Variants in BCKDHB observed in about 807,000 individuals in gnomAD.
BCKDHB encodes branched chain keto acid dehydrogenase E1 subunit beta, also known as 2-oxoisovalerate dehydrogenase subunit beta, mitochondrial.
BCKDHB carries 41 observed loss-of-function variants against 48.5 expected under a neutral mutation model. That is an observed-to-expected ratio of 0.85 (90% CI 0.66 to 1.10). The LOEUF (loss-of-function observed/expected upper bound fraction) is 1.10, where lower values mean the gene tolerates loss of function less well. Among genes scored for constraint, BCKDHB ranks in the 50% least tolerant of loss-of-function variants. The pLI is 0.00. For synonymous variants in BCKDHB, 201 were observed against 174.8 expected (o/e 1.15, Z -1.18); for missense variants, 496 against 494.2 (o/e 1.00, Z -0.03).
the BCKDHB span, among the ~76,000 whole-genome samples, chr6:80,401,372 C>G: frequency 6.6e-6 from 1 of 151,058 alleles, no homozygotes. Context: ...TTCTGTAGAT[C>G]CCCCCGACCC....
At chr6:80,377,261 C>G in the BCKDHB span, among the ~76,000 whole-genome samples, 1 of 152,020 alleles carries the variant, frequency 6.6e-6, no homozygotes, top group South Asian at 2.1e-4. Context: ...AGGCTGGTCT[C>G]GAACTCCCAA....
intron 6 of BCKDHB, among the ~76,000 whole-genome samples, chr6:80,194,085 T>G (rs1774027175): frequency 6.6e-6 from 1 of 152,206 alleles, no homozygotes; most frequent in Non-Finnish European, 1.5e-5. Context: ...CTGTCAGGCC[T>G]TGCATTAAGC....
the BCKDHB span, among the ~76,000 whole-genome samples, chr6:80,426,083 A>C: frequency 6.6e-6 from 1 of 152,212 alleles, no homozygotes; most frequent in Non-Finnish European, 1.5e-5. Context: ...CTTTGCTGTC[A>C]GGCTAGGTAG....
At chr6:80,332,365 GA>G (rs962949979) in intron 9 of BCKDHB, among the ~76,000 whole-genome samples, 28 of 151,634 alleles carry the variant, frequency 1.8e-4, no homozygotes, top group African/African-American at 5.1e-4. Context: ...TAATTGCAAA[GA>G]AAAAAAATGA....
intron 1 of BCKDHB, among the ~76,000 whole-genome samples, chr6:80,112,132 TATAAC>T (rs1243965021): frequency 6.6e-6 from 1 of 152,190 alleles, no homozygotes. Flanking sequence ...AGACACAACA[TATAAC>T]AGTAAGTGTA....
At chr6:80,140,925 A>T (rs969030753) in intron 3 of BCKDHB, among the ~76,000 whole-genome samples, 1 of 152,112 alleles carries the variant, frequency 6.6e-6, no homozygotes, top group Non-Finnish European at 1.5e-5. Context: ...CTGTGAATCC[A>T]TCTGGTCCTG....
intron 6 of BCKDHB, among the ~76,000 whole-genome samples, chr6:80,197,043 G>C (rs558281550): frequency 6.6e-6 from 1 of 152,062 alleles, no homozygotes; most frequent in Admixed American, 6.6e-5. Flanking sequence ...GAAATAGAGC[G>C]GTGTCAGTTA....
chr6:80,367,646 A>T, the BCKDHB span, among the ~76,000 whole-genome samples: 1 of 152,238 alleles, frequency 6.6e-6, no homozygotes, highest in Non-Finnish European at 1.5e-5. Flanking sequence ...TTTCACACCA[A>T]CAAGTTCTGG....
chr6:80,165,223 G>A (rs1772512693), intron 3 of BCKDHB, among the ~76,000 whole-genome samples: 1 of 152,098 alleles, frequency 6.6e-6, no homozygotes, highest in Admixed American at 6.5e-5. Context: ...TGGAATTTAC[G>A]TTCATTTTCT....
chr6:80,169,091 A>G (rs2127776228), intron 5 of BCKDHB, 61 bp downstream of exon 5: 1 of 1,571,194 alleles, frequency 6.4e-7, no homozygotes, highest in Non-Finnish European at 8.7e-7. Flanking sequence ...GATTCATTCT[A>G]TTTAATATCT....
At chr6:80,193,495 A>G (rs185576269) in intron 6 of BCKDHB, among the ~76,000 whole-genome samples, 3 of 152,174 alleles carry the variant, frequency 2.0e-5, no homozygotes, top group Non-Finnish European at 4.4e-5. Flanking sequence ...GAGGCTGACG[A>G]ATCACCTGAG....
intron 9 of BCKDHB, among the ~76,000 whole-genome samples, chr6:80,334,181 G>GTAAA (rs1246607920): frequency 6.6e-6 from 1 of 151,968 alleles, no homozygotes; most frequent in Non-Finnish European, 1.5e-5. Flanking sequence ...GAACCATAGG[G>GTAAA]TAAATATAGT....
At chr6:80,248,922 G>A (rs1398895338) in intron 8 of BCKDHB, among the ~76,000 whole-genome samples, 1 of 151,554 alleles carries the variant, frequency 6.6e-6, no homozygotes, top group Non-Finnish European at 1.5e-5. Flanking sequence ...GTGTGTGTGT[G>A]TGTGTGTATG....
the BCKDHB span, among the ~76,000 whole-genome samples, chr6:80,406,402 C>A: frequency 8.7e-4 from 132 of 152,312 alleles, 2 homozygotes; most frequent in East Asian, 0.022. Flanking sequence ...AATGGTATTT[C>A]TAGTTCTAGA....
downstream of BCKDHB, among the ~76,000 whole-genome samples, chr6:80,346,999 A>G (rs1362178500): frequency 7.0e-6 from 1 of 142,880 alleles, no homozygotes. Context: ...GAAAAAAGCA[A>G]AAAGAAAAAA....
intron 8 of BCKDHB, among the ~76,000 whole-genome samples, chr6:80,254,896 C>T (rs1455144018): frequency 6.6e-6 from 1 of 152,084 alleles, no homozygotes; most frequent in Admixed American, 6.6e-5. Flanking sequence ...TTTCTGTTAT[C>T]TTCAGCCAGA....
chr6:80,106,667 G>T (rs1316399732), upstream of BCKDHB: 2 of 1,548,038 alleles, frequency 1.3e-6, no homozygotes, highest in South Asian at 1.2e-5. Flanking sequence ...CGGCTGCATA[G>T]CCTGAGAATC....
intron 3 of BCKDHB, among the ~76,000 whole-genome samples, chr6:80,161,936 C>T (rs556852163): frequency 9.2e-5 from 14 of 152,190 alleles, no homozygotes; most frequent in Non-Finnish European, 1.6e-4. Context: ...TGCTGTCTTT[C>T]ATTTCCCTGA....
At chr6:80,210,306 A>G (rs73482011) in intron 8 of BCKDHB, among the ~76,000 whole-genome samples, 1 of 152,066 alleles carries the variant, frequency 6.6e-6, no homozygotes, top group Non-Finnish European at 1.5e-5. Context: ...ATGTATATTC[A>G]TCTCATAAAC....
Sources: gnomAD v4.1 joint callset for allele counts (sites outside exome capture counted in the v4.1 genomes callset) on GRCh38, gnomAD v4.1.1 for gene constraint, MANE v1.5 for transcripts, NCBI Gene and HGNC (gene_info 2026-07-23, HGNC 2026-07-21) for gene names.